The following COL4A6 variants were observed in gnomAD, a reference collection of about 807,000 sequenced individuals.
COL4A6 encodes collagen type IV alpha 6 chain, also known as collagen alpha-6(IV) chain.
Under a neutral mutation model 126.7 loss-of-function variants are expected in COL4A6, and 59 were observed. The observed-to-expected ratio is 0.47, with a 90% CI of 0.38 to 0.58. The LOEUF is 0.58. Ranked by LOEUF, COL4A6 falls within the 20% of genes least tolerant of loss-of-function variation. COL4A6 has a pLI of 0.00. For synonymous variants in COL4A6, 547 were observed against 496.6 expected (o/e 1.10, Z -1.35); for missense variants, 1,285 against 1,337.3 (o/e 0.96, Z 0.61).
intron 16 of COL4A6, 21 bp downstream of exon 16, chrX:108,194,513 T>G: frequency 8.3e-7 from 1 of 1,201,054 alleles, no homozygotes. Flanking sequence ...CAACCCTGGA[T>G]TTTTCACTTC....
At chrX:108,243,133 G>A (rs2036620048) in intron 3 of COL4A6, among the ~76,000 whole-genome samples, 1 of 111,645 alleles carries the variant, frequency 9.0e-6, no homozygotes, top group African/African-American at 3.3e-5. Context: ...CTGCTGAAGC[G>A]ACTTCACATT....
chrX:108,215,604 G>A (rs185644011), intron 5 of COL4A6, among the ~76,000 whole-genome samples: 30 of 111,399 alleles, frequency 2.7e-4, no homozygotes, highest in African/African-American at 9.8e-4. Flanking sequence ...GACACAGACT[G>A]GAGAGATCAA....
chrX:108,250,031 CT>C (rs1265764403), intron 3 of COL4A6, among the ~76,000 whole-genome samples: 2 of 112,078 alleles, frequency 1.8e-5, no homozygotes, highest in Non-Finnish European at 3.8e-5. Flanking sequence ...GTCAACCCCC[CT>C]CAGGCTGTGG....
chrX:108,385,035 C>A (rs1014148736), intron 2 of COL4A6, among the ~76,000 whole-genome samples: 3 of 110,254 alleles, frequency 2.7e-5, no homozygotes, highest in African/African-American at 9.9e-5. Flanking sequence ...TTTCCAAGAC[C>A]CCAGTTGGAT....
In COL4A6 at chrX:108,233,136, A is replaced by G. The variant is rs1194660641; in HGVS notation, c.145-11762T>C. On this transcript the variant is annotated intron_variant, in intron 3 of 44. Transcript: ENST00000334504. ...ATGGTTTAATTACAATCTGGAGCCA[A>G]TCTTTTTCTTTTAGTTTTTCTAGCA... Among the ~76,000 whole-genome samples, 4 of 112,150 alleles carry G rather than the reference A, an allele frequency of 3.6e-5. 1 individual carries two copies. The highest frequency in any genetic ancestry group is 7.5e-5 in the Non-Finnish European group (4 of 53,200).
At chrX:108,402,137 T>C (rs1924299141) in intron 2 of COL4A6, among the ~76,000 whole-genome samples, 1 of 111,187 alleles carries the variant, frequency 9.0e-6, no homozygotes, top group Non-Finnish European at 1.9e-5. Context: ...AATAAGTTGG[T>C]GGGGTACTCC....
intron 9 of COL4A6, 39 bp downstream of exon 9, chrX:108,206,479 G>A: frequency 8.6e-7 from 1 of 1,157,319 alleles, no homozygotes; most frequent in Non-Finnish European, 1.2e-6. Context: ...ACAACCATGT[G>A]AACACTGTGA....
chrX:108,407,085 A>C (rs2041221961), intron 2 of COL4A6, among the ~76,000 whole-genome samples: 1 of 112,395 alleles, frequency 8.9e-6, no homozygotes, highest in South Asian at 3.7e-4. Context: ...GGCGTCTGTG[A>C]TTTTACTACC....
At chrX:108,395,119 C>T (rs2040934960) in intron 2 of COL4A6, among the ~76,000 whole-genome samples, 1 of 111,211 alleles carries the variant, frequency 9.0e-6, no homozygotes, top group African/African-American at 3.3e-5. Flanking sequence ...ATCACCATTC[C>T]ACTCCACCCC....
chrX:108,163,057 A>G lies in COL4A6; in HGVS notation c.4070-19T>C. Reference sequence around the variant, plus strand: ...GAAGAGCCTGTGGGCAGGTGGGGGAAATAAGAACATCAGGCTGAGGCAGAG... The same window carrying G: ...GAAGAGCCTGTGGGCAGGTGGGGGAGATAAGAACATCAGGCTGAGGCAGAG... On this transcript the variant is annotated intron_variant, in intron 40 of 44. Coordinates refer to ENST00000334504, the MANE Select transcript of COL4A6 (RefSeq NM_033641.4). The G allele has an allele frequency of 8.4e-7, 1 of 1,186,910 alleles. No homozygotes were observed. The highest frequency in any genetic ancestry group is 2.5e-5 in the Admixed American group (1 of 40,347).
intron 2 of COL4A6, among the ~76,000 whole-genome samples, chrX:108,335,850 C>G (rs762797514): frequency 9.0e-6 from 1 of 110,976 alleles, no homozygotes; most frequent in Non-Finnish European, 1.9e-5. Flanking sequence ...TTCCTAGTAG[C>G]TGACAGGTAT....
At chrX:108,229,558 C>G (rs1162279858) in intron 3 of COL4A6, among the ~76,000 whole-genome samples, 1 of 112,341 alleles carries the variant, frequency 8.9e-6, no homozygotes, top group Non-Finnish European at 1.9e-5. Context: ...GGTACTGACT[C>G]TACAGGATCA....
At chrX:108,182,203 T>C in intron 23 of COL4A6, among the ~76,000 whole-genome samples, 1 of 112,638 alleles carries the variant, frequency 8.9e-6, no homozygotes, top group Non-Finnish European at 1.9e-5. Context: ...TGGGAACTAC[T>C]TCTACTTTTC....
intron 2 of COL4A6, among the ~76,000 whole-genome samples, chrX:108,420,046 C>A (rs2041504384): frequency 9.0e-6 from 1 of 111,430 alleles, no homozygotes; most frequent in South Asian, 3.8e-4. Flanking sequence ...AGGGACAGGG[C>A]TAGAGAGACC....
At chrX:108,170,150 T>A in intron 35 of COL4A6, 134 bp from the exon 36 acceptor site, 1 of 531,463 alleles carries the variant, frequency 1.9e-6, no homozygotes, top group Non-Finnish European at 3.2e-6. Flanking sequence ...GGCATTTACT[T>A]AATGCCCTAA....
At chrX:108,184,244 A>G (rs1177036964) in intron 23 of COL4A6, among the ~76,000 whole-genome samples, 2 of 112,333 alleles carry the variant, frequency 1.8e-5, no homozygotes, top group Non-Finnish European at 3.8e-5. Flanking sequence ...GGTTTGAAAA[A>G]TTATATTTGT....
chrX:108,323,133 T>C (rs1462436864), intron 2 of COL4A6, among the ~76,000 whole-genome samples: 1 of 112,064 alleles, frequency 8.9e-6, no homozygotes, highest in African/African-American at 3.2e-5. Context: ...TGCTTTCTTA[T>C]ATGCTTTCCA....
At chrX:108,267,247 C>T (rs191179937) in intron 3 of COL4A6, among the ~76,000 whole-genome samples, 13 of 112,222 alleles carry the variant, frequency 1.2e-4, no homozygotes, top group African/African-American at 4.2e-4. Flanking sequence ...CTTATAAGCA[C>T]CCTTGTGATT....
At chrX:108,391,532 C>A (rs2040839077) in intron 2 of COL4A6, among the ~76,000 whole-genome samples, 1 of 111,541 alleles carries the variant, frequency 9.0e-6, no homozygotes, top group Non-Finnish European at 1.9e-5. Flanking sequence ...AGAAGCCCCT[C>A]CCCCCACCAA....
Sources: allele counts gnomAD v4.1 joint callset (sites outside exome capture counted in the v4.1 genomes callset), GRCh38; gene constraint gnomAD v4.1.1; transcripts MANE v1.5; gene names NCBI Gene and HGNC (gene_info 2026-07-23, HGNC 2026-07-21).